The following COL23A1 variants were observed in gnomAD, a reference collection of about 807,000 sequenced individuals.
COL23A1 encodes collagen alpha-1(XXIII) chain.
Under a neutral mutation model 99.3 loss-of-function variants are expected in COL23A1, and 97 were observed. The observed-to-expected ratio is 0.98, with a 90% confidence interval of 0.83 to 1.16. COL23A1 has a LOEUF of 1.16. Among genes scored for constraint, COL23A1 ranks in the 50% most tolerant of loss-of-function variants. The pLI is 0.00. For synonymous variants in COL23A1, 320 were observed against 308.2 expected (o/e 1.04, Z -0.40); for missense variants, 762 against 757.4 (o/e 1.01, Z -0.07).
In COL23A1 at chr5:178,285,151, G is replaced by C. The variant is rs80167361; in HGVS notation, c.441+3173C>G. 2.7e-3 allele frequency among the ~76,000 whole-genome samples: 408 copies of C among 152,294 alleles called. 3 individuals are homozygous for C. The highest frequency in any genetic ancestry group is 9.3e-3 in the African/African-American group (385 of 41,554). On this transcript the variant is annotated intron_variant, in intron 5 of 28. Transcript: ENST00000390654. The stretch of plus-strand genomic sequence containing the variant: ...CCTCAAGTCCACAACCTGCCCCACA[G>C]ATGTGGGTGGCCCCTATGCCCCGTG...
At chr5:178,454,356 T>C (rs1026549749) in intron 2 of COL23A1, among the ~76,000 whole-genome samples, 2 of 152,234 alleles carry the variant, frequency 1.3e-5, no homozygotes, top group African/African-American at 4.8e-5. Flanking sequence ...ACTTTCTCTA[T>C]GGTTATCAAA....
intron 8 of COL23A1, among the ~76,000 whole-genome samples, chr5:178,263,782 G>A (rs945685493): frequency 1.3e-5 from 2 of 152,144 alleles, no homozygotes; most frequent in African/African-American, 4.8e-5. Flanking sequence ...ATTAGTAACA[G>A]CCCCAAACTG....
At chr5:178,522,658 A>G (rs756177431) in intron 2 of COL23A1, among the ~76,000 whole-genome samples, 25 of 152,224 alleles carry the variant, frequency 1.6e-4, no homozygotes, top group Non-Finnish European at 3.1e-4. Flanking sequence ...CAACGGGGAC[A>G]GTGGTGGAGG....
intron 3 of COL23A1, among the ~76,000 whole-genome samples, chr5:178,293,624 G>A (rs1484813295): frequency 1.3e-5 from 2 of 151,454 alleles, no homozygotes; most frequent in African/African-American, 4.9e-5. Context: ...AGGGGACTGG[G>A]TTCAGTCTGG....
chr5:178,541,601 A>G (rs1761292093), intron 2 of COL23A1, among the ~76,000 whole-genome samples: 1 of 152,184 alleles, frequency 6.6e-6, no homozygotes, highest in South Asian at 2.1e-4. Flanking sequence ...TTTACTAAAC[A>G]TAACATATGT....
At chr5:178,562,733 T>TGG (rs879632255) in intron 1 of COL23A1, 13 of 97,660 alleles carry the variant, frequency 1.3e-4, no homozygotes, top group African/African-American at 6.8e-4. Context: ...CGCTGGCTGG[T>TGG]GGTGGGGGGG....
chr5:178,381,730 G>T (rs776546942), intron 2 of COL23A1, among the ~76,000 whole-genome samples: 1 of 151,648 alleles, frequency 6.6e-6, no homozygotes, highest in Non-Finnish European at 1.5e-5. Flanking sequence ...TGAACTCCCC[G>T]GCTCAGGCAA....
At chr5:178,268,681 G>A (rs1756045939) in intron 7 of COL23A1, 49 bp downstream of exon 7, 25 of 1,575,882 alleles carry the variant, frequency 1.6e-5, no homozygotes, top group Non-Finnish European at 2.2e-5. Context: ...CAGGTTTCTG[G>A]GATTCTTCGC....
At chr5:178,420,292 C>T (rs1765533752) in intron 2 of COL23A1, among the ~76,000 whole-genome samples, 1 of 152,102 alleles carries the variant, frequency 6.6e-6, no homozygotes, top group Non-Finnish European at 1.5e-5. Context: ...CCGTGGGCAG[C>T]ACTCGTGCCA....
intron 2 of COL23A1, among the ~76,000 whole-genome samples, chr5:178,414,088 A>T (rs534376913): frequency 6.6e-6 from 1 of 152,276 alleles, no homozygotes; most frequent in South Asian, 2.1e-4. Context: ...CTGCAGTGGG[A>T]AGACTCCCAG....
At chr5:178,494,153 CCA>C (rs1448474028) in intron 2 of COL23A1, among the ~76,000 whole-genome samples, 1 of 152,098 alleles carries the variant, frequency 6.6e-6, no homozygotes, top group African/African-American at 2.4e-5. Flanking sequence ...TTGCAATACC[CCA>C]CAGTGTCTCA....
Position 178,571,311 on chromosome 5 carries a change from A to G in COL23A1, c.295-10563T>C, listed in dbSNP as rs191661889. 3.3e-5 allele frequency among the ~76,000 whole-genome samples: 5 copies of G among 152,182 alleles called. No individual in the cohort carries two copies. In the East Asian group the frequency reaches 9.7e-4, roughly 29 times the overall value. ...CGGGAGACAGAGGTTGCAGTGAGCC[A>G]AGATCGCACCACTGCACTCCAGCCT... On this transcript the variant is annotated intron_variant, in intron 1 of 28. Transcript: ENST00000390654.
At chr5:178,539,954 C>T (rs1761200096) in intron 2 of COL23A1, among the ~76,000 whole-genome samples, 1 of 152,148 alleles carries the variant, frequency 6.6e-6, no homozygotes, top group South Asian at 2.1e-4. Context: ...GCGTGGTTAC[C>T]ATCCTAAAAA....
rs528398312 is a variant in COL23A1 at position 178,541,676 on chromosome 5, C to A, written c.361+19006G>T. ...CAACAGAAATGCATACGTATGTTCA[C>A]TGAAAGACATATACTACATTGTTCG... On this transcript the variant is annotated intron_variant, in intron 2 of 28. Transcript: ENST00000390654. 1.1e-4 allele frequency among the ~76,000 whole-genome samples: 16 copies of A among 152,310 alleles called. No homozygotes were observed. In the South Asian group the frequency reaches 1.5e-3, roughly 14 times the overall value.
intron 2 of COL23A1, among the ~76,000 whole-genome samples, chr5:178,437,425 G>T: frequency 6.6e-6 from 1 of 152,152 alleles, no homozygotes; most frequent in East Asian, 1.9e-4. Context: ...GCAGGAGGTC[G>T]CCAGGATCTG....
At chr5:178,562,161 T>C (rs1463334755) in intron 1 of COL23A1, 1 of 489,232 alleles carries the variant, frequency 2.0e-6, no homozygotes, top group South Asian at 1.6e-5. Flanking sequence ...AGAACTGCTT[T>C]AACGCGAGAG....
At chr5:178,377,130 G>A (rs368728765) in intron 2 of COL23A1, among the ~76,000 whole-genome samples, 8 of 152,200 alleles carry the variant, frequency 5.3e-5, no homozygotes, top group East Asian at 3.9e-4. Context: ...CGCGGGCCAC[G>A]CACAGGAAAG....
intron 3 of COL23A1, among the ~76,000 whole-genome samples, chr5:178,293,639 G>A (rs1004307593): frequency 6.6e-6 from 1 of 151,712 alleles, no homozygotes; most frequent in Non-Finnish European, 1.5e-5. Context: ...GTCTGGGGTG[G>A]GGCTTTTGCT....
intron 2 of COL23A1, among the ~76,000 whole-genome samples, chr5:178,318,166 C>T (rs1331074778): frequency 6.6e-6 from 1 of 152,208 alleles, no homozygotes; most frequent in African/African-American, 2.4e-5. Flanking sequence ...CCAAAAAAGG[C>T]CCTCTTGTTC....
Sources: gnomAD v4.1 joint callset for allele counts (sites outside exome capture counted in the v4.1 genomes callset) on GRCh38, gnomAD v4.1.1 for gene constraint, MANE v1.5 for transcripts, NCBI Gene and HGNC (gene_info 2026-07-23, HGNC 2026-07-21) for gene names.